GARRE1: variants seen among roughly 807,000 people sequenced by gnomAD.
GARRE1 encodes granule associated Rac and RHOG effector protein 1.
GARRE1 carries 49 observed loss-of-function variants against 103.2 expected under a neutral mutation model. The ratio of observed to expected loss-of-function variants is 0.47; its 90% confidence interval spans 0.38 to 0.60. GARRE1 has a LOEUF of 0.60. GARRE1 is among the 20% of genes least tolerant of loss of function. The pLI, the probability that GARRE1 is intolerant of heterozygous loss-of-function variation, is 0.00. For synonymous variants in GARRE1, 505 were observed against 532.8 expected (o/e 0.95, Z 0.72); for missense variants, 1,199 against 1,370.5 (o/e 0.87, Z 1.98).
chr19:34,282,418 C>T (rs373024043), intron 1 of GARRE1, among the ~76,000 whole-genome samples: 2 of 152,084 alleles, frequency 1.3e-5, no homozygotes, highest in Non-Finnish European at 2.9e-5. Flanking sequence ...CCAAAGTGCT[C>T]GGATTACAGG....
Position 34,341,938 on chromosome 19 carries a change from G to A in GARRE1, c.2004G>A (p.Val668=). ...MGQSHQGSPL[V]TRHNSAATAM... is the part of the protein sequence containing the mutation. Reference sequence around the variant, plus strand: ...AGTCACATCAGGGCTCTCCGTTGGTGACAAGGCATAATTCTGCTGCCACAG... The same window carrying A: ...AGTCACATCAGGGCTCTCCGTTGGTAACAAGGCATAATTCTGCTGCCACAG... The change falls in exon 10 of 14, where the codon GTG becomes GTA. Residue 668 remains valine, a synonymous_variant. Coordinates refer to ENST00000299505, the MANE Select transcript of GARRE1 (RefSeq NM_014686.5). 6.2e-7 allele frequency: 1 copy of A among 1,614,188 alleles called. No homozygotes were observed. The highest frequency in any genetic ancestry group is 8.5e-7 in the Non-Finnish European group (1 of 1,180,034).
At chr19:34,318,334 T>TA (rs1259076153) in intron 2 of GARRE1, among the ~76,000 whole-genome samples, 1 of 152,264 alleles carries the variant, frequency 6.6e-6, no homozygotes, top group East Asian at 1.9e-4. Flanking sequence ...GGTTGAGTCT[T>TA]ACTGTGTGCT....
chr19:34,337,950 A>G (rs932756627), intron 8 of GARRE1, among the ~76,000 whole-genome samples: 1 of 152,162 alleles, frequency 6.6e-6, no homozygotes, highest in East Asian at 1.9e-4. Flanking sequence ...GGGTGCACTG[A>G]ACCTTGGGCA....
intron 1 of GARRE1, among the ~76,000 whole-genome samples, chr19:34,274,483 T>G (rs1260938893): frequency 6.6e-6 from 1 of 152,236 alleles, no homozygotes; most frequent in Non-Finnish European, 1.5e-5. Flanking sequence ...CCCAGGTTTC[T>G]GCCTTGTTCA....
intron 1 of GARRE1, among the ~76,000 whole-genome samples, chr19:34,257,961 C>T (rs1261856484): frequency 6.7e-6 from 1 of 149,986 alleles, no homozygotes; most frequent in Non-Finnish European, 1.5e-5. Context: ...TCGGTCTCAG[C>T]TCACTGCAAC....
At chr19:34,284,056 T>C (rs1479521327) in intron 1 of GARRE1, among the ~76,000 whole-genome samples, 1 of 150,706 alleles carries the variant, frequency 6.6e-6, no homozygotes, top group Non-Finnish European at 1.5e-5. Context: ...GGTCTGGATC[T>C]CCTGACCTCG....
chr19:34,266,060 C>T (rs760174841), intron 1 of GARRE1, among the ~76,000 whole-genome samples: 3 of 152,202 alleles, frequency 2.0e-5, no homozygotes, highest in South Asian at 2.1e-4. Context: ...CCCTTATTAA[C>T]GGTAAGCTCC....
intron 1 of GARRE1, among the ~76,000 whole-genome samples, chr19:34,297,551 A>T (rs778673851): frequency 4.6e-5 from 7 of 152,258 alleles, no homozygotes; most frequent in Non-Finnish European, 8.8e-5. Flanking sequence ...GCACCACTGA[A>T]CAAAGATAGA....
intron 12 of GARRE1, among the ~76,000 whole-genome samples, chr19:34,349,880 G>C (rs1178589009): frequency 4.6e-5 from 7 of 152,064 alleles, no homozygotes; most frequent in Non-Finnish European, 8.8e-5. Flanking sequence ...GTAGTGGGGT[G>C]GGGGGTGGCA....
intron 1 of GARRE1, among the ~76,000 whole-genome samples, chr19:34,274,434 T>G (rs1445015338): frequency 2.6e-5 from 4 of 152,056 alleles, no homozygotes. Context: ...AGACTGTGAT[T>G]AATTGGATGT....
chr19:34,326,410 A>G (rs973706132), intron 3 of GARRE1, among the ~76,000 whole-genome samples: 32 of 152,358 alleles, frequency 2.1e-4, no homozygotes, highest in African/African-American at 6.3e-4. Context: ...CCCATCTAAT[A>G]AATCAAATAT....
At chr19:34,278,729 G>A (rs1276117147) in intron 1 of GARRE1, among the ~76,000 whole-genome samples, 4 of 151,986 alleles carry the variant, frequency 2.6e-5, no homozygotes, top group Admixed American at 1.3e-4. Flanking sequence ...CTGGAGTGCA[G>A]TGGTGCAGTC....
intron 3 of GARRE1, among the ~76,000 whole-genome samples, chr19:34,320,627 A>C (rs1189796596): frequency 1.3e-5 from 2 of 152,206 alleles, no homozygotes; most frequent in Non-Finnish European, 2.9e-5. Context: ...CTCAGTGGAC[A>C]CAGGGAATTT....
chr19:34,279,064 C>A (rs74617462), intron 1 of GARRE1, among the ~76,000 whole-genome samples: 1,906 of 152,252 alleles, frequency 0.013, 19 homozygotes, highest in Non-Finnish European at 0.023. Context: ...TTGTTTCCAC[C>A]TTTTGACTAT....
At chr19:34,346,396 G>C (rs1480513560) in intron 10 of GARRE1, among the ~76,000 whole-genome samples, 1 of 151,812 alleles carries the variant, frequency 6.6e-6, no homozygotes, top group East Asian at 1.9e-4. Context: ...TTTATTCTTT[G>C]CCACACTTAA....
At chr19:34,303,861 C>A (rs1299107823) in intron 2 of GARRE1, among the ~76,000 whole-genome samples, 1 of 152,018 alleles carries the variant, frequency 6.6e-6, no homozygotes, top group Non-Finnish European at 1.5e-5. Flanking sequence ...AGTGAGCCAC[C>A]CACCTCAGAC....
At chr19:34,328,193 A>G (rs779675640) in intron 6 of GARRE1, 42 bp downstream of exon 6, 1 of 1,598,558 alleles carries the variant, frequency 6.3e-7, no homozygotes, top group Non-Finnish European at 8.5e-7. Flanking sequence ...GTGAACTTGA[A>G]AATAGAGTTC....
rs1244457974 is a variant in GARRE1, at chr19:34,300,878, A to G, written c.405A>G (p.Ile135Met). The G allele has an allele frequency of 6.2e-7, 1 of 1,612,700 alleles. No individual in the cohort carries two copies. ...CAGCCAGTCGGCTGACCTCGGCCAT[A>G]AAGCCTGAGATCGCCAAGATGCTAA... Reference protein sequence around the residue: ...MEAASRLTSAIKPEIAKMLME... With the variant: ...MEAASRLTSAMKPEIAKMLME... Residue 135 changes from isoleucine to methionine, a missense_variant, in exon 2 of 14, where the codon ATA (isoleucine) becomes ATG (methionine). Ile to Met is a conservative substitution (Grantham distance 10). Coordinates refer to ENST00000299505, the MANE Select transcript of GARRE1 (RefSeq NM_014686.5).
intron 2 of GARRE1, among the ~76,000 whole-genome samples, chr19:34,315,487 GGATCATGA>G (rs1375400571): frequency 2.6e-5 from 4 of 152,164 alleles, no homozygotes; most frequent in Non-Finnish European, 4.4e-5. Context: ...CAAGGCGGGT[GGATCATGA>G]GATCAGGAGA....
Sources: gnomAD v4.1 joint callset for allele counts (sites outside exome capture counted in the v4.1 genomes callset) on GRCh38, gnomAD v4.1.1 for gene constraint, MANE v1.5 for transcripts, NCBI Gene and HGNC (gene_info 2026-07-23, HGNC 2026-07-21) for gene names.